HEPH: variants seen among roughly 807,000 people sequenced by gnomAD.
The protein encoded by HEPH is hephaestin.
Under a neutral mutation model 80.8 loss-of-function variants are expected in HEPH, and 69 were observed. That is an observed-to-expected ratio of 0.85 (90% CI 0.70 to 1.04). The LOEUF is 1.04. Among genes scored for constraint, HEPH ranks in the 50% least tolerant of loss-of-function variants. The pLI is 0.00. For missense variants in HEPH, 1,115 were observed against 891.3 expected, an observed-to-expected ratio of 1.25 and a Z score of -3.20; for synonymous variants, 431 against 322.8, an observed-to-expected ratio of 1.34 and a Z score of -3.60.
At chrX:66,209,354 G>A (rs758913927) in intron 15 of HEPH, among the ~76,000 whole-genome samples, 2 of 112,216 alleles carry the variant, frequency 1.8e-5, no homozygotes, top group African/African-American at 3.2e-5. Context: ...AACACAGATC[G>A]CTGGAATCAA....
At chrX:66,206,504 G>A (rs2088788218) in intron 13 of HEPH, among the ~76,000 whole-genome samples, 1 of 104,092 alleles carries the variant, frequency 9.6e-6, no homozygotes, top group Non-Finnish European at 2.0e-5. Context: ...CTGGGATTAC[G>A]GGCACAAGCC....
intron 8 of HEPH, among the ~76,000 whole-genome samples, chrX:66,194,564 G>A (rs1454838863): frequency 8.9e-6 from 1 of 112,105 alleles, no homozygotes; most frequent in African/African-American, 3.2e-5. Context: ...TCCAGGAGTT[G>A]TGGCTAGATT....
At chrX:66,222,657 G>A (rs147019469) in intron 15 of HEPH, among the ~76,000 whole-genome samples, 129 of 111,663 alleles carry the variant, frequency 1.2e-3, no homozygotes, top group African/African-American at 4.1e-3. Flanking sequence ...TACATTTGGG[G>A]AGCAAGACTC....
chrX:66,243,031 C>A (rs1339585383), intron 15 of HEPH, among the ~76,000 whole-genome samples: 1 of 111,675 alleles, frequency 9.0e-6, no homozygotes, highest in Non-Finnish European at 1.9e-5. Context: ...CAAGGAAATA[C>A]AAATAATTCT....
chrX:66,174,731 G>T (rs750867557), intron 4 of HEPH, among the ~76,000 whole-genome samples: 1 of 111,168 alleles, frequency 9.0e-6, no homozygotes, highest in African/African-American at 3.3e-5. Flanking sequence ...AGGTAGTAGC[G>T]CATTGTGGTT....
chrX:66,247,636 C>A (rs750641061), intron 15 of HEPH, among the ~76,000 whole-genome samples: 3 of 111,288 alleles, frequency 2.7e-5, no homozygotes, highest in Non-Finnish European at 5.7e-5. Flanking sequence ...TAAGTAATTA[C>A]ATCAGTGATA....
intron 15 of HEPH, among the ~76,000 whole-genome samples, chrX:66,228,798 G>T (rs931028080): frequency 8.9e-6 from 1 of 112,177 alleles, no homozygotes; most frequent in Non-Finnish European, 1.9e-5. Context: ...CTAAGGATCA[G>T]GGAAATTCAA....
chrX:66,260,132 T>C lies in HEPH; in HGVS notation c.3069T>C (p.Asp1023=), dbSNP rs143154862. The C allele has an allele frequency of 2.6e-4, 319 of 1,206,773 alleles. 2 individuals are homozygous for C. In the East Asian group the frequency reaches 9.4e-3, roughly 36 times the overall value. The part of the protein sequence containing the change: ...NGENYRADVV[D]LFPGTFEVVE... Reference sequence around the variant, plus strand: ...AGAACTACCGGGCAGATGTGGTGGATCTGTTCCCAGGGACTTTTGAGGTTG... The same window carrying C: ...AGAACTACCGGGCAGATGTGGTGGACCTGTTCCCAGGGACTTTTGAGGTTG... The change falls in exon 19 of 21, where the codon GAT becomes GAC. Residue 1023 remains aspartate, a synonymous_variant. Coordinates refer to ENST00000343002, the MANE Select transcript of HEPH (RefSeq NM_001367233.3).
intron 19 of HEPH, 45 bp downstream of exon 19, chrX:66,260,307 C>G (rs764940997): frequency 9.3e-7 from 1 of 1,076,568 alleles, no homozygotes; most frequent in South Asian, 2.0e-5. Context: ...AACACTTTAT[C>G]TAGCCTATAG....
At chrX:66,251,324 G>C (rs1019318430) in intron 15 of HEPH, among the ~76,000 whole-genome samples, 2 of 112,298 alleles carry the variant, frequency 1.8e-5, no homozygotes, top group African/African-American at 6.5e-5. Context: ...CATCAGCAAA[G>C]TGTGAGTGAT....
intron 11 of HEPH, 101 bp downstream of exon 11, chrX:66,199,129 T>A: frequency 1.2e-6 from 1 of 852,232 alleles, no homozygotes; most frequent in Non-Finnish European, 1.7e-6. Flanking sequence ...ATTTTATTGG[T>A]CATCTCTGTC....
At chrX:66,163,561 C>G (rs2086252408), upstream of HEPH, among the ~76,000 whole-genome samples, 1 of 110,842 alleles carries the variant, frequency 9.0e-6, no homozygotes, top group Non-Finnish European at 1.9e-5. Context: ...ATAAAAAAAT[C>G]CACCAGTGAC....
intron 15 of HEPH, among the ~76,000 whole-genome samples, chrX:66,234,735 C>T (rs1264088393): frequency 9.0e-6 from 1 of 110,945 alleles, no homozygotes; most frequent in East Asian, 2.8e-4. Context: ...CTCCTGGGTT[C>T]AAGCAATTCT....
At chrX:66,222,537 C>T (rs1389913751) in intron 15 of HEPH, among the ~76,000 whole-genome samples, 3 of 112,013 alleles carry the variant, frequency 2.7e-5, no homozygotes, top group Admixed American at 9.4e-5. Flanking sequence ...CTATGATCCT[C>T]TAGTAAAATG....
At position 66,189,667 on chromosome X, in the gene HEPH, T is replaced by C. The variant is rs1337054513; in HGVS notation, c.809-17T>C. 28 of 1,199,357 alleles carry C rather than the reference T, an allele frequency of 2.3e-5. No homozygotes were observed. Among genetic ancestry groups the C allele is most frequent in the African/African-American group, 3.5e-5 (2 of 56,988 alleles). On this transcript the variant is annotated splice_polypyrimidine_tract_variant and intron_variant, in intron 5 of 20. Transcript: ENST00000343002. ...CCTTTCCTAATCCTGATATTTTCTT[T>C]GGGTTTTCTTTTGCAGCAATCAATG...
intron 15 of HEPH, among the ~76,000 whole-genome samples, chrX:66,237,986 C>T (rs1451359970): frequency 9.0e-6 from 1 of 111,613 alleles, no homozygotes; most frequent in Non-Finnish European, 1.9e-5. Context: ...TTTTTCATCC[C>T]TTTATTTTAA....
chrX:66,170,499 A>G, intron 1 of HEPH, 59 bp from the exon 2 acceptor site: 1 of 1,062,125 alleles, frequency 9.4e-7, no homozygotes, highest in South Asian at 2.2e-5. Context: ...CTGGACACGT[A>G]GAAAGCCCCT....
chrX:66,229,212 A>G (rs2090018681), intron 15 of HEPH, among the ~76,000 whole-genome samples: 1 of 112,425 alleles, frequency 8.9e-6, no homozygotes, highest in African/African-American at 3.2e-5. Flanking sequence ...ACATAGACAT[A>G]GATATAGATA....
chrX:66,247,549 G>T (rs929083796), intron 15 of HEPH, among the ~76,000 whole-genome samples: 8 of 110,358 alleles, frequency 7.2e-5, no homozygotes, highest in Admixed American at 2.0e-4. Context: ...TTTGAATTTT[G>T]TTCAGATATG....
Sources: allele counts gnomAD v4.1 joint callset (sites outside exome capture counted in the v4.1 genomes callset), GRCh38; gene constraint gnomAD v4.1.1; transcripts MANE v1.5; gene names NCBI Gene and HGNC (gene_info 2026-07-23, HGNC 2026-07-21).